TMEM181: variants seen among roughly 807,000 people sequenced by gnomAD.
TMEM181 encodes the protein G protein-coupled receptor 178.
In TMEM181, 39 loss-of-function variants were observed where a neutral mutation model predicts 71.9. That is an observed-to-expected ratio of 0.54 (90% CI 0.42 to 0.71). The LOEUF is 0.71. Ranked by LOEUF, TMEM181 falls within the 30% of genes least tolerant of loss-of-function variation. The pLI is 0.00. For synonymous variants in TMEM181, 245 were observed against 228.8 expected (o/e 1.07, Z -0.64); for missense variants, 595 against 583.0 (o/e 1.02, Z -0.21).
chr6:158,631,446 C>A, intron 16 of TMEM181, 57 bp downstream of exon 16: 2 of 1,554,520 alleles, frequency 1.3e-6, no homozygotes, highest in Non-Finnish European at 8.9e-7. Context: ...CACGGCCTTG[C>A]ATGTTTCTGA....
At chr6:158,595,407 A>C (rs934088349) in intron 6 of TMEM181, among the ~76,000 whole-genome samples, 2 of 152,252 alleles carry the variant, frequency 1.3e-5, no homozygotes, top group Non-Finnish European at 2.9e-5. Context: ...TGGGGCAGGC[A>C]GAGCCCTTGC....
intron 10 of TMEM181, chr6:158,609,586 T>A (rs1785170899): frequency 6.4e-6 from 1 of 157,146 alleles, no homozygotes; most frequent in Non-Finnish European, 1.4e-5. Flanking sequence ...GTTTTCTGTG[T>A]TCCAGTCGGC....
intron 1 of TMEM181, among the ~76,000 whole-genome samples, chr6:158,544,478 G>A (rs1377973487): frequency 6.6e-6 from 1 of 152,142 alleles, no homozygotes; most frequent in Non-Finnish European, 1.5e-5. Context: ...CTGGGGTAGT[G>A]TGTGTGTGCT....
chr6:158,615,878 G>A (rs1785581845), intron 10 of TMEM181, among the ~76,000 whole-genome samples: 1 of 152,132 alleles, frequency 6.6e-6, no homozygotes, highest in African/African-American at 2.4e-5. Context: ...TGCTGTTTTG[G>A]TTACTGTAGC....
intron 1 of TMEM181, among the ~76,000 whole-genome samples, chr6:158,565,410 T>C (rs1782432738): frequency 6.6e-6 from 1 of 152,138 alleles, no homozygotes; most frequent in Non-Finnish European, 1.5e-5. Flanking sequence ...TGAGCAAGCA[T>C]TGTGGCCTCA....
In TMEM181 at chr6:158,544,854, T is replaced by C. The variant is rs182639356; in HGVS notation, c.131+7989T>C. On this transcript the variant is annotated intron_variant, in intron 1 of 16. Coordinates refer to the TMEM181 transcript ENST00000367090. ...TTTTCCTATCCCGAAATGAAATTCC[T>C]TGAGAACGTCATACATGCTTCCATA... Among the ~76,000 whole-genome samples the C allele has an allele frequency of 2.5e-4, 38 of 152,332 alleles. 1 individual carries two copies. In the East Asian group the frequency reaches 7.3e-3, roughly 29 times the overall value.
intron 10 of TMEM181, among the ~76,000 whole-genome samples, chr6:158,616,901 G>A (rs1012488499): frequency 2.6e-5 from 4 of 152,210 alleles, no homozygotes; most frequent in African/African-American, 9.6e-5. Context: ...ATTTTATTGA[G>A]GATTTTCACA....
intron 13 of TMEM181, chr6:158,626,574 T>TC (rs1324929215): frequency 1.1e-5 from 5 of 456,508 alleles, no homozygotes; most frequent in Non-Finnish European, 2.2e-5. Context: ...GAGATAGGCA[T>TC]CCAAGGTCGT....
chr6:158,628,747 T>C (rs1786484849), intron 14 of TMEM181, among the ~76,000 whole-genome samples: 1 of 152,186 alleles, frequency 6.6e-6, no homozygotes, highest in Non-Finnish European at 1.5e-5. Context: ...AGAGCCCGGC[T>C]CCAAACCCAG....
chr6:158,621,151 T>C (rs1192985556), intron 10 of TMEM181, among the ~76,000 whole-genome samples: 1 of 152,194 alleles, frequency 6.6e-6, no homozygotes, highest in African/African-American at 2.4e-5. Context: ...AATGTGCTTA[T>C]TAGGACCCAC....
At chr6:158,558,145 CA>C (rs1414448919), upstream of TMEM181, among the ~76,000 whole-genome samples, 1 of 152,110 alleles carries the variant, frequency 6.6e-6, no homozygotes, top group Non-Finnish European at 1.5e-5. Context: ...CAGTGAGGGC[CA>C]GGGGTCCTCG....
At chr6:158,600,461 T>A (rs906368674) in intron 6 of TMEM181, among the ~76,000 whole-genome samples, 1 of 28,060 alleles carries the variant, frequency 3.6e-5, no homozygotes, top group African/African-American at 1.8e-4. Context: ...AGGGTTAATT[T>A]TTTTTTTTTT....
intron 1 of TMEM181, among the ~76,000 whole-genome samples, chr6:158,552,008 T>A (rs1250384384): frequency 4.6e-5 from 7 of 152,168 alleles, no homozygotes; most frequent in African/African-American, 1.7e-4. Context: ...TGTCAAAAAG[T>A]TTACAGTCCT....
chr6:158,565,013 G>A lies in TMEM181; in HGVS notation c.8+4781G>A, dbSNP rs566672946. 8.5e-4 allele frequency among the ~76,000 whole-genome samples: 129 copies of A among 152,252 alleles called. 1 individual carries two copies. The highest frequency in any genetic ancestry group is 8.4e-4 in the Non-Finnish European group (57 of 68,014). ...CCCGCCTACCGTCGTGGTGGTTTGC[G>A]GAGACCGAGATGAAGGTGTCTCTCA... On this transcript the variant is annotated intron_variant, in intron 1 of 16. Coordinates refer to ENST00000684151, the MANE Select transcript of TMEM181 (RefSeq NM_001376852.1).
chr6:158,610,477 CA>C, intron 10 of TMEM181: 1 of 327,390 alleles, frequency 3.1e-6, no homozygotes, highest in Non-Finnish European at 5.7e-6. Flanking sequence ...ACAGCATATC[CA>C]AATGACAGTG....
rs1429264388 is a variant in TMEM181, at chr6:158,625,703, A to G, written c.1058A>G (p.Asp353Gly). The G allele has an allele frequency of 2.5e-6, 4 of 1,608,794 alleles. No homozygotes were observed. The highest frequency in any genetic ancestry group is 3.4e-6 in the Non-Finnish European group (4 of 1,178,550). Residue 353 changes from aspartate to glycine, a missense_variant and splice_region_variant, in exon 13 of 17, where the codon GAT becomes GGT. Physicochemically the swap from Asp to Gly is moderately conservative, Grantham distance 94 (BLOSUM62 -1). Transcript: ENST00000684151. ...CSELRHMPYV[D>G]LRLKFLTALT... ...GTTAATGAGTTTCTTTCTTTTTCAG[A>G]TCTCAGGTTGAAATTTTTGACTGCA...
At chr6:158,581,572 T>G (rs1783478310) in intron 3 of TMEM181, among the ~76,000 whole-genome samples, 1 of 151,890 alleles carries the variant, frequency 6.6e-6, no homozygotes, top group Non-Finnish European at 1.5e-5. Flanking sequence ...GCTAACATGG[T>G]GAAACCCCAT....
At chr6:158,629,891 T>G in intron 15 of TMEM181, 72 bp downstream of exon 15, 1 of 1,234,168 alleles carries the variant, frequency 8.1e-7, no homozygotes, top group Non-Finnish European at 1.2e-6. Context: ...CACGACCCAC[T>G]TCCCGGGTTT....
intron 6 of TMEM181, among the ~76,000 whole-genome samples, chr6:158,597,304 G>A (rs890743923): frequency 3.9e-5 from 6 of 152,124 alleles, no homozygotes; most frequent in African/African-American, 1.4e-4. Context: ...ACCACACACC[G>A]GGTAATTTAT....
Sources: gnomAD v4.1 joint callset for allele counts (sites outside exome capture counted in the v4.1 genomes callset) on GRCh38, gnomAD v4.1.1 for gene constraint, MANE v1.5 for transcripts, NCBI Gene and HGNC (gene_info 2026-07-23, HGNC 2026-07-21) for gene names.